Variants in SYNE2 observed in about 807,000 individuals in gnomAD.
The protein encoded by SYNE2 is spectrin repeat containing nuclear envelope protein 2, also known as nesprin-2.
A neutral mutation model predicts 856.3 loss-of-function variants in SYNE2; 431 were observed. The observed-to-expected ratio is 0.50, with a 90% CI of 0.47 to 0.55. The LOEUF is 0.55. Among genes scored for constraint, SYNE2 ranks in the 20% least tolerant of loss-of-function variants. SYNE2 has a pLI of 0.00. For missense variants in SYNE2, 8,129 were observed against 8,023.2 expected, an observed-to-expected ratio of 1.01 and a Z score of -0.50; for synonymous variants, 2,923 against 2,872.3, an observed-to-expected ratio of 1.02 and a Z score of -0.56.
At chr14:63,954,433 G>A (rs973595206) in intron 7 of SYNE2, among the ~76,000 whole-genome samples, 1 of 152,122 alleles carries the variant, frequency 6.6e-6, no homozygotes, top group Non-Finnish European at 1.5e-5. Flanking sequence ...TGATTCAGTA[G>A]GTATGGGATT....
In SYNE2 at chr14:64,067,527, A is replaced by G. The variant is rs139447672; in HGVS notation, c.10431+1877A>G. On this transcript the variant is annotated intron_variant, in intron 51 of 115. Transcript: ENST00000555002. ...AAGTATATCATCTAACAGCCCATAC[A>G]TGTAAGCTTCTGTTAGCATGATTGG... 5.1e-3 allele frequency among the ~76,000 whole-genome samples: 779 copies of G among 152,338 alleles called. 5 individuals carry two copies. Among genetic ancestry groups the G allele is most frequent in the Non-Finnish European group, 8.3e-3 (563 of 68,030 alleles).
chr14:64,021,762 A>C (rs2096937616), intron 36 of SYNE2, 95 bp from the exon 37 acceptor site: 1 of 1,364,792 alleles, frequency 7.3e-7, no homozygotes. Flanking sequence ...ACAGAGAGTC[A>C]TTGAGATTTT....
At chr14:63,986,415 A>G (rs1284276138) in intron 18 of SYNE2, 41 bp from the exon 19 acceptor site, 2 of 1,609,140 alleles carry the variant, frequency 1.2e-6, no homozygotes, top group Admixed American at 1.7e-5. Context: ...TTTGTTATGT[A>G]CATGCTGACA....
chr14:64,115,688 G>C (rs1482756648), intron 66 of SYNE2, among the ~76,000 whole-genome samples: 1 of 152,176 alleles, frequency 6.6e-6, no homozygotes, highest in African/African-American at 2.4e-5. Context: ...TACTGCTTCT[G>C]ACCTGCTTTG....
intron 66 of SYNE2, among the ~76,000 whole-genome samples, chr14:64,118,061 A>G (rs955623062): frequency 6.6e-6 from 1 of 152,256 alleles, no homozygotes. Context: ...GCTTGCTTGG[A>G]TGAAGGAGTT....
chr14:63,831,533 G>A (rs1288545956), intron 1 of SYNE2, among the ~76,000 whole-genome samples: 1 of 144,000 alleles, frequency 6.9e-6, no homozygotes, highest in Non-Finnish European at 1.5e-5. Context: ...GATAATATTA[G>A]AATATAATGT....
At chr14:64,025,871 T>G (rs550949911) in intron 41 of SYNE2, among the ~76,000 whole-genome samples, 7 of 152,304 alleles carry the variant, frequency 4.6e-5, no homozygotes, top group Admixed American at 2.0e-4. Context: ...CAAGCTCCCT[T>G]GGGCTCCCTT....
At chr14:63,950,121 C>G in intron 7 of SYNE2, 115 bp downstream of exon 7, 1 of 1,162,296 alleles carries the variant, frequency 8.6e-7, no homozygotes, top group Admixed American at 1.7e-5. Flanking sequence ...ATCCCCCTTC[C>G]TCTCTGTGCT....
At chr14:63,791,504 C>T (rs1164616325) in intron 1 of SYNE2, among the ~76,000 whole-genome samples, 1 of 152,028 alleles carries the variant, frequency 6.6e-6, no homozygotes, top group Non-Finnish European at 1.5e-5. Context: ...CAATTTTTCT[C>T]TTTACTTTAG....
At chr14:63,957,114 T>C (rs1182973123) in intron 8 of SYNE2, among the ~76,000 whole-genome samples, 8 of 151,674 alleles carry the variant, frequency 5.3e-5, no homozygotes, top group Admixed American at 5.3e-4. Flanking sequence ...CAATACTTCA[T>C]TCCTTTTTTT....
chr14:64,020,378 C>G (rs1438493360), intron 35 of SYNE2, among the ~76,000 whole-genome samples: 1 of 152,194 alleles, frequency 6.6e-6, no homozygotes, highest in Non-Finnish European at 1.5e-5. Flanking sequence ...GTGGATTGGA[C>G]AAGCTTGCCC....
intron 31 of SYNE2, among the ~76,000 whole-genome samples, chr14:64,009,553 A>C (rs1301211270): frequency 6.6e-6 from 1 of 151,650 alleles, no homozygotes; most frequent in Non-Finnish European, 1.5e-5. Context: ...AAAAAAAAAA[A>C]AAAAAAGAGA....
At chr14:63,844,769 G>T (rs966608292) in intron 1 of SYNE2, among the ~76,000 whole-genome samples, 1 of 152,164 alleles carries the variant, frequency 6.6e-6, no homozygotes, top group Non-Finnish European at 1.5e-5. Flanking sequence ...TCCAAGCCGG[G>T]TGTGGTGGCT....
intron 101 of SYNE2, 119 bp downstream of exon 101, chr14:64,209,064 C>G: frequency 8.0e-7 from 1 of 1,251,394 alleles, no homozygotes; most frequent in Non-Finnish European, 1.1e-6. Flanking sequence ...CAGGTATTGG[C>G]AGAGAAGGCC....
At chr14:64,114,478 G>A (rs1032879567) in intron 66 of SYNE2, among the ~76,000 whole-genome samples, 37 of 152,246 alleles carry the variant, frequency 2.4e-4, no homozygotes, top group African/African-American at 8.7e-4. Context: ...AGCCTGTTAT[G>A]TTGTTGTGGG....
chr14:63,831,127 C>T (rs1889653232), intron 1 of SYNE2, among the ~76,000 whole-genome samples: 1 of 152,050 alleles, frequency 6.6e-6, no homozygotes, highest in South Asian at 2.1e-4. Context: ...CAGGAGTGAG[C>T]CACAGCACCC....
chr14:64,199,007 G>A (rs573321085), intron 99 of SYNE2, among the ~76,000 whole-genome samples: 127 of 152,300 alleles, frequency 8.3e-4, no homozygotes, highest in Non-Finnish European at 1.1e-3. Flanking sequence ...AATCCTCAGG[G>A]TCTGTGCAGG....
intron 66 of SYNE2, 73 bp from the exon 67 acceptor site, chr14:64,119,354 T>G: frequency 6.3e-7 from 1 of 1,581,318 alleles, no homozygotes; most frequent in Non-Finnish European, 8.7e-7. Flanking sequence ...AAAGAGTAAG[T>G]CTTAACTTGT....
In SYNE2 at chr14:63,979,025, C is replaced by T. The variant is rs1291031433; in HGVS notation, c.1569+11C>T. ...CTGGAAGACTGGCATGTAAGCTTTT[C>T]AATTTTGTGTCTTAGGCAACTCCTC... On this transcript the variant is annotated intron_variant, in intron 14 of 115. Transcript: ENST00000555002. 1 of 1,612,866 alleles carries T rather than the reference C, an allele frequency of 6.2e-7. No individual in the cohort carries two copies. Among genetic ancestry groups the T allele is most frequent in the African/African-American group, 1.3e-5 (1 of 74,876 alleles).
Sources: allele counts gnomAD v4.1 joint callset (sites outside exome capture counted in the v4.1 genomes callset), GRCh38; gene constraint gnomAD v4.1.1; transcripts MANE v1.5; gene names NCBI Gene and HGNC (gene_info 2026-07-23, HGNC 2026-07-21).